Variants in MFSD6 observed in about 807,000 individuals in gnomAD.
MFSD6 encodes major facilitator superfamily domain containing 6.
A neutral mutation model predicts 56.3 loss-of-function variants in MFSD6; 26 were observed. The observed-to-expected ratio is 0.46, with a 90% CI of 0.34 to 0.64. The LOEUF (loss-of-function observed/expected upper bound fraction) is 0.64, where lower values mean the gene tolerates loss of function less well. Among genes scored for constraint, MFSD6 ranks in the 30% least tolerant of loss-of-function variants. The pLI is 0.01. For missense variants in MFSD6, 750 were observed against 986.2 expected, an observed-to-expected ratio of 0.76 and a Z score of 3.21; for synonymous variants, 331 against 366.9, an observed-to-expected ratio of 0.90 and a Z score of 1.12.
rs1686464360 is a variant in MFSD6, at chr2:190,443,587, C to G, written c.1532+6026C>G. 6.6e-6 allele frequency among the ~76,000 whole-genome samples: 1 copy of G among 152,190 alleles called. No individual in the cohort carries two copies. The highest frequency in any genetic ancestry group is 1.5e-5 in the Non-Finnish European group (1 of 68,034). ...GCAAAGTCAAGATGTTTATGATTTT[C>G]AAAATAACTAACATTCCCCCTTAAA... On this transcript the variant is annotated intron_variant, in intron 3 of 7. Coordinates refer to ENST00000392328, the MANE Select transcript of MFSD6 (RefSeq NM_017694.4). The surrounding 1 kb of genome is among the most constrained non-coding windows in gnomAD (Gnocchi z 4.2).
At chr2:190,464,696 G>A (rs1476389414) in intron 3 of MFSD6, 1 of 159,810 alleles carries the variant, frequency 6.3e-6, no homozygotes, top group Non-Finnish European at 1.3e-5. Context: ...CTCCTGTGTG[G>A]TCCCATTGCA....
chr2:190,497,396 A>G lies in MFSD6; in HGVS notation c.1892-43A>G. The G allele has an allele frequency of 8.2e-6, 13 of 1,591,736 alleles. No homozygotes were observed. Among genetic ancestry groups the G allele is most frequent in the Non-Finnish European group, 1.1e-5 (13 of 1,167,210 alleles). On this transcript the variant is annotated intron_variant, in intron 6 of 7. Coordinates refer to ENST00000392328, the MANE Select transcript of MFSD6 (RefSeq NM_017694.4). The surrounding 1 kb of genome is among the most constrained non-coding windows in gnomAD (Gnocchi z 5.2). ...TATTTTTACCTTTGTTCAAATATGT[A>G]GAAAATGCTGAAAAAATAGTTTAAA... is the stretch of plus-strand genomic sequence containing the variant.
In MFSD6 at chr2:190,431,547, A is replaced by G. The variant is rs528298765; in HGVS notation, c.-53-4430A>G. Among the ~76,000 whole-genome samples the G allele has an allele frequency of 8.1e-4, 124 of 152,350 alleles. No individual in the cohort carries two copies. The highest frequency in any genetic ancestry group is 2.6e-3 in the African/African-American group (109 of 41,584). On this transcript the variant is annotated intron_variant, in intron 2 of 7. Coordinates refer to ENST00000392328, the MANE Select transcript of MFSD6 (RefSeq NM_017694.4). This position sits in a 1 kb window ranked among gnomAD's most constrained non-coding sequence, Gnocchi z 4.4. ...GCGAAACCCCGTCTCCACCAAAAAAATACGAAAACCAGTCAGGTGTGGCGG... is the reference window on the plus strand; with the variant it reads ...GCGAAACCCCGTCTCCACCAAAAAAGTACGAAAACCAGTCAGGTGTGGCGG...
Position 190,436,847 on chromosome 2 carries a change from A to G in MFSD6, c.818A>G (p.Asp273Gly). The G allele has an allele frequency of 6.2e-7, 1 of 1,614,236 alleles. No homozygotes were observed. The highest frequency in any genetic ancestry group is 8.5e-7 in the Non-Finnish European group (1 of 1,180,036). ...ACCACCACCAAATCTTTACCTTCTG[A>G]CCAAGTCATGCTTGTTTATGATCAA... is the stretch of plus-strand genomic sequence containing the variant. ...IVTTTKSLPS[D>G]QVMLVYDQQE... is the part of the protein sequence containing the mutation. The change falls in exon 3 of 8, where the codon GAC (aspartate) becomes GGC (glycine). Residue 273 changes from aspartate (D) to glycine (G), a missense_variant. By Grantham distance (94) the Asp-to-Gly change is moderately conservative (BLOSUM62 -1). Transcript: ENST00000392328. This position sits in a 1 kb window ranked among gnomAD's most constrained non-coding sequence, Gnocchi z 5.3.
chr2:190,451,750 G>A lies in MFSD6; in HGVS notation c.1532+14189G>A, dbSNP rs1686781950. Among the ~76,000 whole-genome samples, 1 of 152,184 alleles carries A rather than the reference G, an allele frequency of 6.6e-6. No homozygotes were observed. ...ACACATGTGAATGGCCAGGGAGAGG[G>A]TAATAAAAGGACACCAGTGCACTGG... On this transcript the variant is annotated intron_variant, in intron 3 of 7. Transcript: ENST00000392328. The surrounding 1 kb of genome is among the most constrained non-coding windows in gnomAD (Gnocchi z 5.0).
intron 4 of MFSD6, among the ~76,000 whole-genome samples, chr2:190,483,111 C>G (rs866555530): frequency 2.6e-5 from 4 of 151,422 alleles, no homozygotes; most frequent in Admixed American, 6.6e-5. Flanking sequence ...CCAGGATGGT[C>G]TCGATCTCCT....
At chr2:190,475,949 C>A (rs796419886) in intron 4 of MFSD6, among the ~76,000 whole-genome samples, 1 of 151,572 alleles carries the variant, frequency 6.6e-6, no homozygotes, top group Non-Finnish European at 1.5e-5. Flanking sequence ...CTGACAAAAA[C>A]AAGAAATAGG....
intron 3 of MFSD6, among the ~76,000 whole-genome samples, chr2:190,440,395 A>T (rs1485160846): frequency 6.6e-6 from 1 of 152,226 alleles, no homozygotes; most frequent in Non-Finnish European, 1.5e-5. Context: ...GGCAAATAGG[A>T]TAATAATGCT....
In MFSD6 at chr2:190,438,166, T is replaced by C. The variant is rs1169840765; in HGVS notation, c.1532+605T>C. On this transcript the variant is annotated intron_variant, in intron 3 of 7. Coordinates refer to ENST00000392328, the MANE Select transcript of MFSD6 (RefSeq NM_017694.4). This position sits in a 1 kb window ranked among gnomAD's most constrained non-coding sequence, Gnocchi z 5.2. The stretch of plus-strand genomic sequence containing the variant: ...TGTCCACCATGAAGACATAGGATAT[T>C]TGAAAATCTTTCTTCCACCTAAAAT... 6.6e-6 allele frequency among the ~76,000 whole-genome samples: 1 copy of C among 151,652 alleles called. No homozygotes were observed. The highest frequency in any genetic ancestry group is 1.9e-4 in the East Asian group (1 of 5,158).
chr2:190,435,659 CTG>C (rs1686152892), intron 2 of MFSD6, among the ~76,000 whole-genome samples: 1 of 152,144 alleles, frequency 6.6e-6, no homozygotes, highest in Admixed American at 6.5e-5. Flanking sequence ...TTTCAACTCT[CTG>C]TGTTTGGTTT....
rs1686759263 is a variant in MFSD6 at position 190,451,034 on chromosome 2, G to GT, written c.1532+13475dup. Among the ~76,000 whole-genome samples, 1 of 152,208 alleles carries GT rather than the reference G, an allele frequency of 6.6e-6. No individual in the cohort carries two copies. Among genetic ancestry groups the GT allele is most frequent in the Non-Finnish European group, 1.5e-5 (1 of 68,030 alleles). On this transcript the variant is annotated intron_variant, in intron 3 of 7. Coordinates refer to ENST00000392328, the MANE Select transcript of MFSD6 (RefSeq NM_017694.4). This position sits in a 1 kb window ranked among gnomAD's most constrained non-coding sequence, Gnocchi z 5.0. The stretch of plus-strand genomic sequence containing the variant: ...ATTGAGGAGAATGAGAAGAGAGCAA[G>GT]TTGGTCTAGGCTTGACTCCAGTCAT...
chr2:190,484,537 T>C (rs1283890191), intron 4 of MFSD6, among the ~76,000 whole-genome samples: 1 of 151,638 alleles, frequency 6.6e-6, no homozygotes, highest in Admixed American at 6.6e-5. Flanking sequence ...TGGCGGAGGG[T>C]TTTCAAGTTT....
rs1403649288 is a variant in MFSD6, at chr2:190,500,997, G to A, written c.*779G>A. The A allele has an allele frequency of 6.6e-6, 1 of 152,150 alleles. No homozygotes were observed. Among genetic ancestry groups the A allele is most frequent in the East Asian group, 1.9e-4 (1 of 5,198 alleles). 9.4% of individuals were successfully genotyped at this position (152,150 alleles called of 1,614,324 possible). ...TCAACCAACCAACTCAGTATCCTGTGTTTTGATAGACAAGAGTTTACTAAA... is the reference window on the plus strand; with the variant it reads ...TCAACCAACCAACTCAGTATCCTGTATTTTGATAGACAAGAGTTTACTAAA... On this transcript the variant is annotated 3_prime_UTR_variant, in exon 8 of 8. Coordinates refer to ENST00000392328, the MANE Select transcript of MFSD6 (RefSeq NM_017694.4). The surrounding 1 kb of genome is among the most constrained non-coding windows in gnomAD (Gnocchi z 5.3).
Position 190,437,960 on chromosome 2 carries a change from T to G in MFSD6, c.1532+399T>G, listed in dbSNP as rs1686233534. ...GCTTAAGTAGATAAAGTGGACTTTT[T>G]TAAGCCTTTATTCTCAGCCACTTGC... On this transcript the variant is annotated intron_variant, in intron 3 of 7. Transcript: ENST00000392328. The surrounding 1 kb of genome is among the most constrained non-coding windows in gnomAD (Gnocchi z 5.9). Among the ~76,000 whole-genome samples the G allele has an allele frequency of 6.6e-6, 1 of 152,158 alleles. No homozygotes were observed. Among genetic ancestry groups the G allele is most frequent in the African/African-American group, 2.4e-5 (1 of 41,418 alleles).
rs966914918 is a variant in MFSD6, at chr2:190,461,845, AT to A, written c.1533-7903del. 6.7e-5 allele frequency among the ~76,000 whole-genome samples: 10 copies of A among 149,836 alleles called. No homozygotes were observed. The highest frequency in any genetic ancestry group is 2.1e-4 in the South Asian group (1 of 4,742). On this transcript the variant is annotated intron_variant, in intron 3 of 7. Coordinates refer to ENST00000392328, the MANE Select transcript of MFSD6 (RefSeq NM_017694.4). This position sits in a 1 kb window ranked among gnomAD's most constrained non-coding sequence, Gnocchi z 5.5. ...CAATCTATGATTTCTACCAGTTTTA[AT>A]TTTTTTTTTAGTGTGGAACATGAAC... is the stretch of plus-strand genomic sequence containing the variant.
Position 190,418,830 on chromosome 2 carries a change from G to T in MFSD6, c.-54+3417G>T, listed in dbSNP as rs1690897281. Among the ~76,000 whole-genome samples, 1 of 152,234 alleles carries T rather than the reference G, an allele frequency of 6.6e-6. No homozygotes were observed. Among genetic ancestry groups the T allele is most frequent in the Admixed American group, 6.5e-5 (1 of 15,290 alleles). On this transcript the variant is annotated intron_variant, in intron 2 of 7. Transcript: ENST00000392328. The surrounding 1 kb of genome is among the most constrained non-coding windows in gnomAD (Gnocchi z 4.1). ...TCTGGGAGGAGTTTCAATCCCAGTGGAATGCTGCTAGTAGCAGCTCTGGGG... is the reference window on the plus strand; with the variant it reads ...TCTGGGAGGAGTTTCAATCCCAGTGTAATGCTGCTAGTAGCAGCTCTGGGG...
At chr2:190,480,181 CA>C (rs1688580475) in intron 4 of MFSD6, among the ~76,000 whole-genome samples, 3 of 152,292 alleles carry the variant, frequency 2.0e-5, no homozygotes, top group East Asian at 3.9e-4. Context: ...AACAAACAAA[CA>C]AAGCACATTT....
rs916956449 is a variant in MFSD6 at position 190,499,821 on chromosome 2, G to A, written c.2173-194G>A. 12 of 1,535,886 alleles carry A rather than the reference G, an allele frequency of 7.8e-6. No individual in the cohort carries two copies. Among genetic ancestry groups the A allele is most frequent in the East Asian group, 2.5e-5 (1 of 39,736 alleles). On this transcript the variant is annotated intron_variant, in intron 7 of 7. Coordinates refer to ENST00000392328, the MANE Select transcript of MFSD6 (RefSeq NM_017694.4). The surrounding 1 kb of genome is among the most constrained non-coding windows in gnomAD (Gnocchi z 6.0). ...CTTATAGTGTTTGTGTTTTTCATGC[G>A]GCTCTGGCAGTTGCACATAGGAAAG...
rs759240250 is a variant in MFSD6, at chr2:190,490,904, CAGAA to C, written c.1891+1042_1891+1045del. On this transcript the variant is annotated intron_variant, in intron 6 of 7. Coordinates refer to ENST00000392328, the MANE Select transcript of MFSD6 (RefSeq NM_017694.4). This position sits in a 1 kb window ranked among gnomAD's most constrained non-coding sequence, Gnocchi z 4.5. ...CAGATTTTAATCTCAATGAGTTACT[CAGAA>C]AGAGCAATACTGTTTTTTCTTACTT... Among the ~76,000 whole-genome samples the C allele has an allele frequency of 1.3e-5, 2 of 152,154 alleles. No individual in the cohort carries two copies. The highest frequency in any genetic ancestry group is 2.9e-5 in the Non-Finnish European group (2 of 68,028).
Sources: gnomAD v4.1 joint callset for allele counts (sites outside exome capture counted in the v4.1 genomes callset) on GRCh38, gnomAD v4.1.1 for gene constraint, Gnocchi (gnomAD v3.1) non-coding constraint, MANE v1.5 for transcripts, NCBI Gene and HGNC (gene_info 2026-07-23, HGNC 2026-07-21) for gene names.